The following TRIM66 variants were observed in gnomAD, a reference collection of about 807,000 sequenced individuals.
TRIM66 encodes tripartite motif containing 66.
In TRIM66, 99 loss-of-function variants were observed where a neutral mutation model predicts 148.2. The observed-to-expected ratio is 0.67, with a 90% CI of 0.57 to 0.79. TRIM66 has a LOEUF of 0.79. Ranked by LOEUF, TRIM66 falls within the 30% of genes least tolerant of loss-of-function variation. The probability of loss-of-function intolerance (pLI) is 0.00; values close to 1 mark genes in which losing one functional copy is unlikely to be tolerated. For synonymous variants in TRIM66, 616 were observed against 635.9 expected, an observed-to-expected ratio of 0.97 and a Z score of 0.47; for missense variants, 1,666 against 1,697.9, an observed-to-expected ratio of 0.98 and a Z score of 0.33.
intron 3 of TRIM66, 134 bp from the exon 4 acceptor site, chr11:8,675,017 T>C (rs2039110940): frequency 6.6e-6 from 1 of 152,254 alleles, no homozygotes; most frequent in African/African-American, 2.4e-5. Flanking sequence ...AAACTTTTCT[T>C]ATTCTGTTAT....
intron 8 of TRIM66, among the ~76,000 whole-genome samples, chr11:8,649,182 T>G (rs1336713051): frequency 6.6e-6 from 1 of 152,002 alleles, no homozygotes; most frequent in Non-Finnish European, 1.5e-5. Flanking sequence ...CTACTAAAAC[T>G]ACAAACATTA....
chr11:8,617,872 G>T lies in TRIM66; in HGVS notation c.*72C>A. 1 of 1,417,916 alleles carries T rather than the reference G, an allele frequency of 7.1e-7. No individual in the cohort carries two copies. Among genetic ancestry groups the T allele is most frequent in the Non-Finnish European group, 9.8e-7 (1 of 1,025,258 alleles). The allele number at this position is 1,417,916 out of a possible 1,614,324, so 87.8% of individuals were successfully genotyped here. A position where few individuals can be genotyped will look rare whatever the true frequency, so the allele number is the denominator to read the frequency against. On this transcript the variant is annotated 3_prime_UTR_variant, in exon 25 of 25. Transcript: ENST00000646038. ...ACCATCCACACTCTGAAGAGGATAA[G>T]CTGCAAGATGGGGAGGAATGGTCGA...
At chr11:8,682,232 G>C (rs1484560878) in intron 1 of TRIM66, among the ~76,000 whole-genome samples, 2 of 152,232 alleles carry the variant, frequency 1.3e-5, no homozygotes, top group African/African-American at 4.8e-5. Flanking sequence ...TCAGAAGTGT[G>C]AGAGCGGGAG....
In TRIM66 at chr11:8,649,677, G is replaced by A. The variant is rs1051325894; in HGVS notation, c.592+63C>T. ...ACAAGATCGGAGAGCTATTCTCCAG[G>A]GATCTTAGGGTTCAGCCCTGCTTTA... is the stretch of plus-strand genomic sequence containing the variant. On this transcript the variant is annotated intron_variant, in intron 8 of 24. Transcript: ENST00000646038. 3.9e-6 allele frequency: 6 copies of A among 1,521,298 alleles called. No homozygotes were observed. In the African/African-American group the frequency reaches 7.1e-5, roughly 18 times the overall value. The allele number at this position is 1,521,298 out of a possible 1,614,324, so 94.2% of individuals were successfully genotyped here. A position where few individuals can be genotyped will look rare whatever the true frequency, so the allele number is the denominator to read the frequency against.
At position 8,619,507 on chromosome 11, in the gene TRIM66, C is replaced by T; in HGVS notation, c.3776G>A (p.Arg1259Lys). 6.5e-7 allele frequency: 1 copy of T among 1,548,872 alleles called. No homozygotes were observed. The highest frequency in any genetic ancestry group is 8.7e-7 in the Non-Finnish European group (1 of 1,145,880). The part of the protein sequence containing the change: ...LARHYYQIIK[R>K]PMDLSIIRRK... ...CCGGATGATTGACAGGTCCATGGGCCTCTTGATAATCTGGTAATAATGCCG... is the reference window on the plus strand; with the variant it reads ...CCGGATGATTGACAGGTCCATGGGCTTCTTGATAATCTGGTAATAATGCCG... The change falls in exon 23 of 25, where the codon AGG (arginine) becomes AAG (lysine). Residue 1259 changes from arginine (R) to lysine (K), a missense_variant. Arg to Lys is a conservative substitution (Grantham distance 26, BLOSUM62 2). This residue lies in a region of TRIM66 where 204 missense variants were observed against 231.0 expected (regional missense o/e 0.88). Coordinates refer to ENST00000646038, the MANE Select transcript of TRIM66 (RefSeq NM_001388022.1).
chr11:8,617,612 T>C lies in TRIM66; in HGVS notation c.*332A>G. On this transcript the variant is annotated 3_prime_UTR_variant, in exon 25 of 25. Coordinates refer to ENST00000646038, the MANE Select transcript of TRIM66 (RefSeq NM_001388022.1). ...TGGACACTAAAAGGTTAGACGGGTC[T>C]GCTTTCCCAGGCAGAAAAAAATTCA... 1 of 324,236 alleles carries C rather than the reference T, an allele frequency of 3.1e-6. No homozygotes were observed. The highest frequency in any genetic ancestry group is 5.6e-6 in the Non-Finnish European group (1 of 177,320). The allele number at this position is 324,236 out of a possible 1,614,324, so 20.1% of individuals were successfully genotyped here.
Position 8,624,757 on chromosome 11 carries a change from G to T in TRIM66, c.2782C>A (p.Pro928Thr). 6.5e-7 allele frequency: 1 copy of T among 1,547,048 alleles called. No individual in the cohort carries two copies. Among genetic ancestry groups the T allele is most frequent in the Non-Finnish European group, 8.7e-7 (1 of 1,144,038 alleles). Residue 928 changes from proline to threonine, a missense_variant, in exon 16 of 25, where the codon CCC becomes ACC. Coordinates refer to ENST00000646038, the MANE Select transcript of TRIM66 (RefSeq NM_001388022.1). The stretch of plus-strand genomic sequence containing the variant: ...AGGGAGGGATCAGCCCCATCTCTGG[G>T]ACACAGGCTCCCTGAAGTTCGGCCA... ...SSGRTSGSLC[P>T]RDGADPSLEN...
Position 8,624,706 on chromosome 11 carries a change from G to T in TRIM66, c.2826+7C>A, listed in dbSNP as rs186311122. The T allele has an allele frequency of 1.3e-6, 2 of 1,499,736 alleles. No individual in the cohort carries two copies. The highest frequency in any genetic ancestry group is 2.7e-5 in the South Asian group (2 of 75,090). 92.9% of individuals were successfully genotyped at this position (1,499,736 alleles called of 1,614,324 possible). On this transcript the variant is annotated splice_region_variant and intron_variant, in intron 16 of 24. Transcript: ENST00000646038. ...GGAAGTTTGGATAGCATTTCCCCAG[G>T]ACTTACCTTACACAGAGCATTCTCC...
At chr11:8,635,161 A>G (rs2035765916) in intron 15 of TRIM66, among the ~76,000 whole-genome samples, 1 of 152,156 alleles carries the variant, frequency 6.6e-6, no homozygotes, top group Admixed American at 6.5e-5. Flanking sequence ...TTGAACACAG[A>G]GCTGTCAAGG....
intron 6 of TRIM66, among the ~76,000 whole-genome samples, chr11:8,668,689 C>T (rs547863520): frequency 4.7e-4 from 72 of 152,098 alleles, no homozygotes; most frequent in African/African-American, 1.5e-3. Flanking sequence ...GGGTTCACAC[C>T]ATTGTCCTGC....
At chr11:8,627,914 T>A (rs1216363920) in intron 15 of TRIM66, among the ~76,000 whole-genome samples, 1 of 152,184 alleles carries the variant, frequency 6.6e-6, no homozygotes, top group Non-Finnish European at 1.5e-5. Flanking sequence ...AGCCTTGACC[T>A]CCCAGGCTCA....
intron 6 of TRIM66, among the ~76,000 whole-genome samples, chr11:8,662,146 C>G (rs561786980): frequency 6.6e-6 from 1 of 152,286 alleles, no homozygotes; most frequent in South Asian, 2.1e-4. Flanking sequence ...CACCAGCCTG[C>G]CCTTCACCTG....
chr11:8,641,399 ACT>A (rs2036382459), intron 13 of TRIM66, among the ~76,000 whole-genome samples: 1 of 152,080 alleles, frequency 6.6e-6, no homozygotes, highest in East Asian at 1.9e-4. Flanking sequence ...CTCAGCCCTG[ACT>A]CTGTTTCTGT....
At chr11:8,630,263 G>A (rs565635010) in intron 15 of TRIM66, among the ~76,000 whole-genome samples, 13 of 152,120 alleles carry the variant, frequency 8.5e-5, no homozygotes, top group East Asian at 1.9e-4. Flanking sequence ...CTGACACTTG[G>A]TGCCACCCAT....
At chr11:8,624,057 T>C (rs2141874383) in intron 17 of TRIM66, among the ~76,000 whole-genome samples, 1 of 152,312 alleles carries the variant, frequency 6.6e-6, no homozygotes, top group African/African-American at 2.4e-5. Flanking sequence ...TTGTCAAGGC[T>C]AGCCCTCCTG....
At chr11:8,679,252 G>A (rs1027436460) in intron 3 of TRIM66, 1 of 152,242 alleles carries the variant, frequency 6.6e-6, no homozygotes, top group African/African-American at 2.4e-5. Context: ...CACATGAGCT[G>A]TGTGTTTAAG....
intron 6 of TRIM66, among the ~76,000 whole-genome samples, chr11:8,659,182 C>T (rs927276798): frequency 6.6e-6 from 1 of 151,948 alleles, no homozygotes; most frequent in South Asian, 2.1e-4. Context: ...TTGGAAAGAC[C>T]GGAAGGAGAG....
In TRIM66 at chr11:8,619,532, G is replaced by A. The variant is rs981082166; in HGVS notation, c.3751C>T (p.Arg1251Trp). The A allele has an allele frequency of 3.4e-5, 52 of 1,537,138 alleles. No individual in the cohort carries two copies. The highest frequency in any genetic ancestry group is 1.8e-4 in the African/African-American group (13 of 72,254). The change falls in exon 23 of 25, where the codon CGG becomes TGG. Residue 1251 changes from arginine to tryptophan, a missense_variant. Arg to Trp is a moderately radical substitution (Grantham distance 101). Around this residue, in one of 3 missense-constraint regions of TRIM66, gnomAD observed 204 missense variants for 231.0 expected, o/e 0.88. Transcript: ENST00000646038. ...CTCTTGATAATCTGGTAATAATGCC[G>A]GGCCTTGGGGGAGGAGACATGAGGA... is the stretch of plus-strand genomic sequence containing the variant. The part of the protein sequence containing the change: ...PFHEPVSPLA[R>W]HYYQIIKRPM...
chr11:8,620,062 A>G lies in TRIM66; in HGVS notation c.3735T>C (p.Pro1245=), dbSNP rs373351195. 7.7e-6 allele frequency: 12 copies of G among 1,551,630 alleles called. No individual in the cohort carries two copies. The African/African-American group carries it at 1.5e-4, about 19-fold the overall frequency. ...TGGCCTTCCTTACCAGGGGGCTGAC[A>G]GGTTCATGGAAGGGCAGGCTGAGGT... ...CNNLSLPFHE[P]VSPLARHYYQ... The change falls in exon 22 of 25, where the codon CCT becomes CCC. Residue 1245 remains proline, a synonymous_variant. Coordinates refer to ENST00000646038, the MANE Select transcript of TRIM66 (RefSeq NM_001388022.1).
Sources: allele counts gnomAD v4.1 joint callset (sites outside exome capture counted in the v4.1 genomes callset), GRCh38; gene constraint gnomAD v4.1.1; regional missense constraint gnomAD v4.1.1; transcripts MANE v1.5; gene names NCBI Gene and HGNC (gene_info 2026-07-23, HGNC 2026-07-21).